Variants in LRRC4C observed in about 807,000 individuals in gnomAD.
LRRC4C encodes the protein leucine rich repeat containing 4C, also known as leucine-rich repeat-containing protein 4C.
LRRC4C carries 5 observed loss-of-function variants against 33.6 expected under a neutral mutation model. The ratio of observed to expected loss-of-function variants is 0.15; its 90% CI spans 0.08 to 0.31. The LOEUF is 0.31. Among genes scored for constraint, LRRC4C ranks in the 10% least tolerant of loss-of-function variants. The pLI is 1.00. For missense variants in LRRC4C, 560 were observed against 796.7 expected, an observed-to-expected ratio of 0.70 and a Z score of 3.58; for synonymous variants, 329 against 302.0, an observed-to-expected ratio of 1.09 and a Z score of -0.93.
chr11:40,598,794 T>C (rs1157936657), intron 3 of LRRC4C, among the ~76,000 whole-genome samples: 1 of 152,280 alleles, frequency 6.6e-6, no homozygotes, highest in East Asian at 1.9e-4. Context: ...TCCGGACTTG[T>C]GGAACAGAGG....
chr11:41,076,423 G>A (rs952909927), intron 1 of LRRC4C, among the ~76,000 whole-genome samples: 6 of 152,174 alleles, frequency 3.9e-5, no homozygotes, highest in African/African-American at 1.4e-4. Context: ...AAGGAAGCAT[G>A]ACTTGAAGGC....
At chr11:40,899,672 G>A (rs1485776560) in intron 2 of LRRC4C, among the ~76,000 whole-genome samples, 1 of 152,094 alleles carries the variant, frequency 6.6e-6, no homozygotes, top group African/African-American at 2.4e-5. Flanking sequence ...AGGCTGCATG[G>A]TGATTGCACA....
At chr11:41,356,807 C>A (rs901212156) in intron 1 of LRRC4C, among the ~76,000 whole-genome samples, 4 of 152,052 alleles carry the variant, frequency 2.6e-5, no homozygotes, top group Non-Finnish European at 4.4e-5. Context: ...AGCTTACACC[C>A]AAAGCATGCC....
intron 2 of LRRC4C, among the ~76,000 whole-genome samples, chr11:40,905,638 T>A (rs1252090540): frequency 6.6e-6 from 1 of 152,164 alleles, no homozygotes; most frequent in Non-Finnish European, 1.5e-5. Flanking sequence ...AATCCCACCC[T>A]TCTGATTTCC....
chr11:40,954,252 G>A (rs1413026613), intron 1 of LRRC4C, among the ~76,000 whole-genome samples: 1 of 151,862 alleles, frequency 6.6e-6, no homozygotes, highest in Non-Finnish European at 1.5e-5. Context: ...CAAGTGAGGG[G>A]TTGATTTATA....
At chr11:40,280,721 G>C (rs774508644) in intron 4 of LRRC4C, among the ~76,000 whole-genome samples, 3 of 152,162 alleles carry the variant, frequency 2.0e-5, no homozygotes, top group Non-Finnish European at 2.9e-5. Context: ...GTCAGAGACT[G>C]CTGCTCTGCA....
At chr11:40,429,265 G>A (rs756328365) in intron 3 of LRRC4C, among the ~76,000 whole-genome samples, 1 of 152,120 alleles carries the variant, frequency 6.6e-6, no homozygotes, top group Admixed American at 6.5e-5. Flanking sequence ...GTAGAGATGA[G>A]GTTTCACCAT....
At chr11:40,956,022 TC>T (rs1194183628) in intron 1 of LRRC4C, among the ~76,000 whole-genome samples, 2 of 151,810 alleles carry the variant, frequency 1.3e-5, no homozygotes, top group Non-Finnish European at 2.9e-5. Context: ...AGCCAACCAG[TC>T]TTTTTGGTTT....
At chr11:41,057,738 A>C (rs1049616249) in intron 1 of LRRC4C, among the ~76,000 whole-genome samples, 10 of 152,200 alleles carry the variant, frequency 6.6e-5, no homozygotes, top group Non-Finnish European at 1.3e-4. Context: ...ACATGCCTGC[A>C]GAGAGAAGCC....
At chr11:40,676,680 T>A (rs1944421085) in intron 2 of LRRC4C, among the ~76,000 whole-genome samples, 1 of 152,192 alleles carries the variant, frequency 6.6e-6, no homozygotes, top group African/African-American at 2.4e-5. Flanking sequence ...TTAGGCTATA[T>A]TTATCCAATT....
At chr11:40,308,767 A>G (rs182545790) in intron 4 of LRRC4C, among the ~76,000 whole-genome samples, 5 of 152,326 alleles carry the variant, frequency 3.3e-5, no homozygotes, top group Admixed American at 2.6e-4. Flanking sequence ...CCAGCCCAAG[A>G]AAAATGTCAG....
At chr11:40,397,472 ACT>A (rs1291282129) in intron 3 of LRRC4C, among the ~76,000 whole-genome samples, 1 of 152,046 alleles carries the variant, frequency 6.6e-6, no homozygotes, top group Non-Finnish European at 1.5e-5. Context: ...GAATAATGGA[ACT>A]CTCTGTACCA....
At chr11:40,791,600 A>G (rs887272802) in intron 2 of LRRC4C, among the ~76,000 whole-genome samples, 2 of 152,202 alleles carry the variant, frequency 1.3e-5, no homozygotes, top group African/African-American at 4.8e-5. Context: ...TGGTTGAAAG[A>G]CTTACTAGTG....
intron 2 of LRRC4C, among the ~76,000 whole-genome samples, chr11:40,679,540 T>C (rs1023526403): frequency 6.6e-6 from 1 of 152,186 alleles, no homozygotes; most frequent in African/African-American, 2.4e-5. Context: ...CTCTGCTGTG[T>C]GCAGTCTAGG....
intron 1 of LRRC4C, among the ~76,000 whole-genome samples, chr11:41,207,821 C>T (rs1169180324): frequency 6.6e-6 from 1 of 152,144 alleles, no homozygotes; most frequent in African/African-American, 2.4e-5. Flanking sequence ...TTTGTTTTGG[C>T]AGCCTCAGCA....
At chr11:40,846,873 C>T (rs1953204550) in intron 2 of LRRC4C, among the ~76,000 whole-genome samples, 1 of 152,004 alleles carries the variant, frequency 6.6e-6, no homozygotes, top group African/African-American at 2.4e-5. Context: ...AGGCCCTTCA[C>T]ATCTCTTGTA....
intron 1 of LRRC4C, among the ~76,000 whole-genome samples, chr11:41,076,950 G>A (rs187600406): frequency 6.6e-6 from 1 of 152,276 alleles, no homozygotes; most frequent in African/African-American, 2.4e-5. Context: ...GGCCAAAAAA[G>A]GGGGGTCACA....
intron 3 of LRRC4C, among the ~76,000 whole-genome samples, chr11:40,460,012 T>G (rs1215673346): frequency 6.6e-6 from 1 of 152,152 alleles, no homozygotes; most frequent in Non-Finnish European, 1.5e-5. Context: ...AATGCAATTT[T>G]TCAGGGTGTG....
intron 1 of LRRC4C, among the ~76,000 whole-genome samples, chr11:41,428,476 A>G (rs1955120412): frequency 6.6e-6 from 1 of 152,154 alleles, no homozygotes; most frequent in South Asian, 2.1e-4. Context: ...AATGTTTACT[A>G]ATATCCTTGT....
Sources: allele counts gnomAD v4.1 joint callset (sites outside exome capture counted in the v4.1 genomes callset), GRCh38; gene constraint gnomAD v4.1.1; transcripts MANE v1.5; gene names NCBI Gene and HGNC (gene_info 2026-07-23, HGNC 2026-07-21).